Variants in PTPRN2 observed in about 807,000 individuals in gnomAD.
PTPRN2 encodes receptor-type tyrosine-protein phosphatase N2.
A neutral mutation model predicts 118.8 loss-of-function variants in PTPRN2; 74 were observed. That is an observed-to-expected ratio of 0.62 (90% confidence interval 0.52 to 0.76). The LOEUF (loss-of-function observed/expected upper bound fraction) is 0.76, where lower values mean the gene tolerates loss of function less well. Among genes scored for constraint, PTPRN2 ranks in the 30% least tolerant of loss-of-function variants. The pLI is 0.00. For synonymous variants in PTPRN2, 641 were observed against 608.0 expected, an observed-to-expected ratio of 1.05 and a Z score of -0.80; for missense variants, 1,481 against 1,394.4, an observed-to-expected ratio of 1.06 and a Z score of -0.99.
At chr7:157,818,825 C>G (rs1268939635) in intron 12 of PTPRN2, among the ~76,000 whole-genome samples, 2 of 152,078 alleles carry the variant, frequency 1.3e-5, no homozygotes, top group African/African-American at 2.4e-5. Flanking sequence ...CTCCTGGGTG[C>G]CAGGCACATG....
chr7:157,666,226 T>C (rs929465970), intron 13 of PTPRN2, among the ~76,000 whole-genome samples: 4 of 152,166 alleles, frequency 2.6e-5, no homozygotes, highest in African/African-American at 9.7e-5. Context: ...TGCCTGTCCC[T>C]GGAGATGGAG....
chr7:157,941,274 CGACACTGCAAATCTAACACTCTCCCCTGT>C, intron 11 of PTPRN2, among the ~76,000 whole-genome samples: 1 of 77,338 alleles, frequency 1.3e-5, no homozygotes, highest in Non-Finnish European at 2.2e-5. Flanking sequence ...CTCCCCACCA[CGACACTGCAAATCTAACACTCTCCCCTGT>C]GACACTGCAA....
chr7:158,312,994 A>G (rs749422101), intron 3 of PTPRN2, among the ~76,000 whole-genome samples: 1 of 148,572 alleles, frequency 6.7e-6, no homozygotes, highest in Non-Finnish European at 1.5e-5. Flanking sequence ...GTGTGTGTGC[A>G]GGTGAGTGTG....
chr7:157,872,568 A>G (rs1811175503), intron 12 of PTPRN2, among the ~76,000 whole-genome samples: 1 of 152,232 alleles, frequency 6.6e-6, no homozygotes, highest in African/African-American at 2.4e-5. Context: ...ATGTCCTCAC[A>G]GCTGTTTCCC....
At chr7:158,160,668 G>T (rs564515211) in intron 6 of PTPRN2, among the ~76,000 whole-genome samples, 1 of 152,226 alleles carries the variant, frequency 6.6e-6, no homozygotes, top group African/African-American at 2.4e-5. Flanking sequence ...GTTCATCAGG[G>T]TATTTCAGAT....
intron 11 of PTPRN2, among the ~76,000 whole-genome samples, chr7:157,936,409 C>T (rs747757868): frequency 3.9e-5 from 6 of 152,194 alleles, no homozygotes; most frequent in Non-Finnish European, 7.3e-5. Context: ...CCTCACTCCA[C>T]CAGGCCCCGC....
intron 4 of PTPRN2, among the ~76,000 whole-genome samples, chr7:158,196,418 A>T (rs1826214408): frequency 6.6e-6 from 1 of 152,092 alleles, no homozygotes; most frequent in African/African-American, 2.4e-5. Context: ...ATGGCCCTCC[A>T]CCATGGGGGT....
At chr7:158,209,721 C>T (rs548562421) in intron 3 of PTPRN2, among the ~76,000 whole-genome samples, 1 of 152,330 alleles carries the variant, frequency 6.6e-6, no homozygotes, top group East Asian at 1.9e-4. Flanking sequence ...CAGAACATTT[C>T]ATTCAATGGC....
At chr7:158,192,091 A>G (rs888790033) in intron 5 of PTPRN2, among the ~76,000 whole-genome samples, 3 of 152,162 alleles carry the variant, frequency 2.0e-5, no homozygotes, top group Non-Finnish European at 2.9e-5. Context: ...CCTTGTCCCA[A>G]GAAAGATCCT....
At chr7:157,594,403 A>G (rs2366642) in intron 17 of PTPRN2, among the ~76,000 whole-genome samples, 9 of 107,580 alleles carry the variant, frequency 8.4e-5, no homozygotes, top group African/African-American at 1.4e-4. Flanking sequence ...GCTTTGGATC[A>G]CCAGGAGGCC....
chr7:157,841,820 G>A (rs1808443004), intron 12 of PTPRN2, among the ~76,000 whole-genome samples: 1 of 152,152 alleles, frequency 6.6e-6, no homozygotes, highest in South Asian at 2.1e-4. Flanking sequence ...GTCCTCTCTG[G>A]TTATCAGGAG....
intron 1 of PTPRN2, among the ~76,000 whole-genome samples, chr7:158,542,476 T>A (rs1826044971): frequency 6.6e-6 from 1 of 152,230 alleles, no homozygotes; most frequent in Non-Finnish European, 1.5e-5. Flanking sequence ...TTCCTACTCT[T>A]ACTGGGACAT....
At chr7:158,257,080 G>A (rs941590897) in intron 3 of PTPRN2, among the ~76,000 whole-genome samples, 5 of 152,084 alleles carry the variant, frequency 3.3e-5, no homozygotes, top group African/African-American at 1.2e-4. Context: ...TGCTTTCCCT[G>A]GGATCTGGGT....
intron 14 of PTPRN2, among the ~76,000 whole-genome samples, chr7:157,634,993 C>T (rs1462689541): frequency 6.6e-6 from 1 of 152,200 alleles, no homozygotes; most frequent in Non-Finnish European, 1.5e-5. Flanking sequence ...TCGAGTGTGA[C>T]GTTAAGTCCA....
chr7:158,479,614 A>G (rs1820518028), intron 2 of PTPRN2, among the ~76,000 whole-genome samples: 1 of 152,244 alleles, frequency 6.6e-6, no homozygotes, highest in East Asian at 1.9e-4. Context: ...GAGGCTGCGG[A>G]AAAGCACAAT....
Position 158,400,554 on chromosome 7 carries a change from G to A in PTPRN2, c.164-83622C>T, listed in dbSNP as rs1267510441. On this transcript the variant is annotated intron_variant, in intron 2 of 22. Coordinates refer to ENST00000389418, the MANE Select transcript of PTPRN2 (RefSeq NM_002847.5). ...CATCATTATGCTGCATCATTATGAA[G>A]CCAACACACATCTAACAAGAACACA... 2.6e-5 allele frequency among the ~76,000 whole-genome samples: 4 copies of A among 152,112 alleles called. No homozygotes were observed. In the East Asian group the frequency reaches 7.7e-4, roughly 29 times the overall value.
chr7:158,130,624 A>G (rs1423604484), intron 9 of PTPRN2, among the ~76,000 whole-genome samples: 1 of 151,860 alleles, frequency 6.6e-6, no homozygotes, highest in Non-Finnish European at 1.5e-5. Context: ...ACACACTCAT[A>G]TGCACATATG....
chr7:158,049,928 A>G (rs1236817452), intron 11 of PTPRN2, among the ~76,000 whole-genome samples: 1 of 152,098 alleles, frequency 6.6e-6, no homozygotes, highest in African/African-American at 2.4e-5. Context: ...ACCTGATAGA[A>G]ATGTGGTGCT....
intron 17 of PTPRN2, among the ~76,000 whole-genome samples, chr7:157,584,561 G>A (rs1216624565): frequency 1.3e-5 from 2 of 152,238 alleles, no homozygotes; most frequent in Admixed American, 6.5e-5. Context: ...CCGCTGAAGC[G>A]GTTGCCATGA....
Sources: gnomAD v4.1 joint callset for allele counts (sites outside exome capture counted in the v4.1 genomes callset) on GRCh38, gnomAD v4.1.1 for gene constraint, MANE v1.5 for transcripts, NCBI Gene and HGNC (gene_info 2026-07-23, HGNC 2026-07-21) for gene names.